The following TRPC1 variants were observed in gnomAD, a reference collection of about 807,000 sequenced individuals.
TRPC1 encodes short transient receptor potential channel 1.
A neutral mutation model predicts 88.2 loss-of-function variants in TRPC1; 42 were observed. The observed-to-expected ratio is 0.48, with a 90% confidence interval of 0.37 to 0.62. The LOEUF (loss-of-function observed/expected upper bound fraction) is 0.62, where lower values mean the gene tolerates loss of function less well. Among genes scored for constraint, TRPC1 ranks in the 20% least tolerant of loss-of-function variants. The probability of loss-of-function intolerance (pLI) is 0.00; values close to 1 mark genes in which losing one functional copy is unlikely to be tolerated. For synonymous variants in TRPC1, 288 were observed against 331.8 expected (o/e 0.87, Z 1.43); for missense variants, 699 against 957.3 (o/e 0.73, Z 3.56).
intron 4 of TRPC1, among the ~76,000 whole-genome samples, chr3:142,773,730 CTTG>C (rs1935662349): frequency 6.8e-6 from 1 of 146,422 alleles, no homozygotes; most frequent in Non-Finnish European, 1.5e-5. Context: ...TTTCCTGGGG[CTTG>C]TTATTGTTAT....
At chr3:142,783,587 T>C (rs1047940288) in intron 6 of TRPC1, among the ~76,000 whole-genome samples, 1 of 152,196 alleles carries the variant, frequency 6.6e-6, no homozygotes, top group East Asian at 1.9e-4. Flanking sequence ...TTCTTCCAAA[T>C]ATTGTTGATC....
At chr3:142,777,238 T>G (rs1560109983) in intron 4 of TRPC1, among the ~76,000 whole-genome samples, 1 of 152,088 alleles carries the variant, frequency 6.6e-6, no homozygotes. Flanking sequence ...TGTTCGAGAC[T>G]AAGGCAAGCT....
chr3:142,774,614 T>C (rs73864431), intron 4 of TRPC1, among the ~76,000 whole-genome samples: 10,677 of 152,266 alleles, frequency 0.07, 1,219 homozygotes, highest in African/African-American at 0.24. Context: ...TATTCCTGCC[T>C]GAAGCACTGG....
intron 4 of TRPC1, among the ~76,000 whole-genome samples, chr3:142,768,647 C>T (rs999191322): frequency 1.3e-5 from 2 of 151,870 alleles, no homozygotes; most frequent in African/African-American, 4.8e-5. Flanking sequence ...TTTCTCATGT[C>T]TCTTTGTTGT....
intron 2 of TRPC1, among the ~76,000 whole-genome samples, chr3:142,739,905 T>G (rs1934283650): frequency 6.6e-6 from 1 of 152,158 alleles, no homozygotes; most frequent in Admixed American, 6.5e-5. Flanking sequence ...GGTTCCGTGG[T>G]CTGTTAGGAA....
chr3:142,791,203 T>G, intron 8 of TRPC1, 45 bp downstream of exon 8: 1 of 1,537,410 alleles, frequency 6.5e-7, no homozygotes, highest in Non-Finnish European at 8.8e-7. Context: ...TAAGTTTATT[T>G]TGGAAATAGC....
At chr3:142,777,852 T>A in intron 5 of TRPC1, 89 bp downstream of exon 5, 1 of 1,370,990 alleles carries the variant, frequency 7.3e-7, no homozygotes, top group Non-Finnish European at 9.8e-7. Context: ...TTGTATATAT[T>A]TACATTTGAT....
chr3:142,756,689 C>CT (rs1276937015), intron 4 of TRPC1, among the ~76,000 whole-genome samples: 2 of 152,140 alleles, frequency 1.3e-5, no homozygotes, highest in African/African-American at 4.8e-5. Flanking sequence ...CTGCCACATA[C>CT]TTACTGAAAC....
chr3:142,755,177 C>T (rs1032612836), intron 4 of TRPC1, among the ~76,000 whole-genome samples: 4 of 152,104 alleles, frequency 2.6e-5, no homozygotes, highest in African/African-American at 9.7e-5. Context: ...AATGCCAGCA[C>T]TTTGGGAGGC....
At chr3:142,774,141 C>A (rs1225334958) in intron 4 of TRPC1, among the ~76,000 whole-genome samples, 1 of 152,136 alleles carries the variant, frequency 6.6e-6, no homozygotes, top group East Asian at 1.9e-4. Flanking sequence ...ACCTTCAGCC[C>A]ATAAAGTTTG....
Position 142,806,354 on chromosome 3 carries a change from T to G in TRPC1, c.*119T>G. ...AAATAAAGAATTATGTAAAAGCCATTCTTTAAAATATTTATAGCATAAATA... is the reference window on the plus strand; with the variant it reads ...AAATAAAGAATTATGTAAAAGCCATGCTTTAAAATATTTATAGCATAAATA... On this transcript the variant is annotated 3_prime_UTR_variant, in exon 13 of 13. Transcript: ENST00000476941. The G allele has an allele frequency of 1.2e-6, 1 of 820,798 alleles. No individual in the cohort carries two copies. Among genetic ancestry groups the G allele is most frequent in the African/African-American group, 1.7e-5 (1 of 57,646 alleles). 50.8% of individuals were successfully genotyped at this position (820,798 alleles called of 1,614,324 possible). A position where few individuals can be genotyped will look rare whatever the true frequency, so the allele number is the denominator to read the frequency against.
chr3:142,794,440 G>A (rs1289014478), intron 9 of TRPC1, among the ~76,000 whole-genome samples: 1 of 151,894 alleles, frequency 6.6e-6, no homozygotes, highest in Non-Finnish European at 1.5e-5. Context: ...TCTATCTAAA[G>A]CAATCAAAAA....
intron 9 of TRPC1, among the ~76,000 whole-genome samples, chr3:142,796,841 T>C: frequency 6.6e-6 from 1 of 152,028 alleles, no homozygotes; most frequent in Admixed American, 6.6e-5. Flanking sequence ...TTGAGGAGGA[T>C]AGAAGAGAAA....
chr3:142,736,447 G>T lies in TRPC1; in HGVS notation c.241G>T (p.Asp81Tyr). 6.2e-7 allele frequency: 1 copy of T among 1,612,824 alleles called. No homozygotes were observed. The part of the protein sequence containing the change: ...SSGDLNINCV[D>Y]VLGRNAVTIT... ...AGGTGACTTGAACATAAATTGCGTA[G>T]ATGTGCTTGGGAGAAATGCTGTTAC... The change falls in exon 2 of 13, where the codon GAT becomes TAT. Residue 81 changes from aspartate (D) to tyrosine (Y), a missense_variant. By Grantham distance (160) the Asp-to-Tyr change is radical (BLOSUM62 -3). Coordinates refer to ENST00000476941, the MANE Select transcript of TRPC1 (RefSeq NM_001251845.2).
intron 1 of TRPC1, among the ~76,000 whole-genome samples, chr3:142,725,549 A>G (rs1414888446): frequency 1.3e-5 from 2 of 152,226 alleles, no homozygotes; most frequent in African/African-American, 4.8e-5. Flanking sequence ...TATTAAGGCC[A>G]TGTCACGCAA....
intron 4 of TRPC1, among the ~76,000 whole-genome samples, chr3:142,749,779 A>G (rs530211902): frequency 6.6e-6 from 1 of 152,268 alleles, no homozygotes; most frequent in South Asian, 2.1e-4. Context: ...CACATCTACA[A>G]CCATCTGATC....
intron 2 of TRPC1, among the ~76,000 whole-genome samples, chr3:142,738,865 C>A (rs1934240088): frequency 6.6e-6 from 1 of 152,156 alleles, no homozygotes; most frequent in African/African-American, 2.4e-5. Context: ...TATATAATAA[C>A]TACTCTCTGC....
intron 4 of TRPC1, among the ~76,000 whole-genome samples, chr3:142,760,909 A>G (rs973355557): frequency 3.9e-5 from 6 of 152,072 alleles, no homozygotes; most frequent in Non-Finnish European, 8.8e-5. Context: ...ACATATATAA[A>G]TGTTATTGAC....
chr3:142,803,875 G>A, intron 10 of TRPC1, 102 bp from the exon 11 acceptor site: 1 of 1,199,282 alleles, frequency 8.3e-7, no homozygotes, highest in Admixed American at 2.2e-5. Flanking sequence ...ACTTTTCATG[G>A]ATTATCAATG....
Sources: allele counts gnomAD v4.1 joint callset (sites outside exome capture counted in the v4.1 genomes callset), GRCh38; gene constraint gnomAD v4.1.1; transcripts MANE v1.5; gene names NCBI Gene and HGNC (gene_info 2026-07-23, HGNC 2026-07-21).